VPS13B: variants seen among roughly 807,000 people sequenced by gnomAD.
VPS13B encodes vacuolar protein sorting 13 homolog B, also known as intermembrane lipid transfer protein VPS13B.
Under a neutral mutation model 426.4 loss-of-function variants are expected in VPS13B, and 285 were observed. The observed-to-expected ratio is 0.67, with a 90% CI of 0.61 to 0.74. The LOEUF (loss-of-function observed/expected upper bound fraction) is 0.74, where lower values mean the gene tolerates loss of function less well. Ranked by LOEUF, VPS13B falls within the 30% of genes least tolerant of loss-of-function variation. The pLI, the probability that VPS13B is intolerant of heterozygous loss-of-function variation, is 0.00. For missense variants in VPS13B, 4,537 were observed against 4,782.6 expected, an observed-to-expected ratio of 0.95 and a Z score of 1.51; for synonymous variants, 1,676 against 1,676.4, an observed-to-expected ratio of 1.00 and a Z score of 0.01.
chr8:99,108,542 C>T lies in VPS13B; in HGVS notation c.581-2556C>T, dbSNP rs1847174898. ...CATTTATTGAAGAGACTGTTCTTTT[C>T]CTCAGTGTGTTTTCTTGGCCCCTAT... On this transcript the variant is annotated intron_variant, in intron 5 of 61. Coordinates refer to ENST00000357162, the MANE Select transcript of VPS13B (RefSeq NM_152564.5). Among the ~76,000 whole-genome samples, 3 of 152,062 alleles carry T rather than the reference C, an allele frequency of 2.0e-5. No homozygotes were observed. The South Asian group carries it at 6.2e-4, about 32-fold the overall frequency.
At chr8:99,736,695 C>A (rs1211786695) in intron 39 of VPS13B, among the ~76,000 whole-genome samples, 1 of 152,084 alleles carries the variant, frequency 6.6e-6, no homozygotes, top group Non-Finnish European at 1.5e-5. Context: ...AGCCCACAAA[C>A]CTTGACACAA....
chr8:99,728,688 C>G (rs1468477302), intron 39 of VPS13B, among the ~76,000 whole-genome samples: 1 of 152,218 alleles, frequency 6.6e-6, no homozygotes, highest in Non-Finnish European at 1.5e-5. Context: ...GAGACACTAT[C>G]TTCCCCACAG....
intron 39 of VPS13B, among the ~76,000 whole-genome samples, chr8:99,746,591 CATA>C (rs1390247359): frequency 6.6e-6 from 1 of 152,172 alleles, no homozygotes; most frequent in Non-Finnish European, 1.5e-5. Context: ...TTCCATACAT[CATA>C]GTAGTTTAAT....
At chr8:99,141,910 G>A (rs546238932) in intron 12 of VPS13B, among the ~76,000 whole-genome samples, 12 of 150,806 alleles carry the variant, frequency 8.0e-5, no homozygotes, top group South Asian at 2.1e-4. Flanking sequence ...AAAATTAGCC[G>A]GGCGTGGTGG....
In VPS13B at chr8:99,313,534, G is replaced by A. The variant is rs889103393; in HGVS notation, c.2824+38280G>A. Among the ~76,000 whole-genome samples the A allele has an allele frequency of 2.0e-5, 3 of 152,140 alleles. No homozygotes were observed. The South Asian group carries it at 6.2e-4, about 31-fold the overall frequency. Reference sequence around the variant, plus strand: ...GCCTGATCGTTCCTCTGGAAGCTTCGTCTCAGAGGGGTAGCCGGCCCTGTG... The same window carrying A: ...GCCTGATCGTTCCTCTGGAAGCTTCATCTCAGAGGGGTAGCCGGCCCTGTG... On this transcript the variant is annotated intron_variant, in intron 19 of 61. Transcript: ENST00000357162.
chr8:99,564,578 A>C (rs566239902), intron 31 of VPS13B, among the ~76,000 whole-genome samples: 26 of 152,314 alleles, frequency 1.7e-4, no homozygotes, highest in African/African-American at 6.3e-4. Context: ...AAAAGTGAGA[A>C]CAAGCCAGAA....
At chr8:99,209,589 T>C (rs1563604610) in intron 17 of VPS13B, 1 of 273,600 alleles carries the variant, frequency 3.7e-6, no homozygotes, top group South Asian at 4.2e-5. Flanking sequence ...TTTTACTTTG[T>C]AGAGATTGGG....
At chr8:99,286,285 T>C (rs1223887510) in intron 19 of VPS13B, among the ~76,000 whole-genome samples, 1 of 152,310 alleles carries the variant, frequency 6.6e-6, no homozygotes, top group Admixed American at 6.5e-5. Flanking sequence ...AATTGCTCTA[T>C]GGGGAAAAAT....
chr8:99,065,521 A>G (rs1370155483), intron 3 of VPS13B, among the ~76,000 whole-genome samples: 2 of 152,006 alleles, frequency 1.3e-5, no homozygotes, highest in East Asian at 1.9e-4. Context: ...CTCAAGAGCT[A>G]TTTATGACAA....
At chr8:99,384,085 C>T in intron 19 of VPS13B, 123 bp from the exon 20 acceptor site, 1 of 846,272 alleles carries the variant, frequency 1.2e-6, no homozygotes, top group Admixed American at 1.9e-5. Context: ...TCCTCCACAT[C>T]CTTTCCAACG....
At chr8:99,662,665 C>T (rs1830284538) in intron 35 of VPS13B, among the ~76,000 whole-genome samples, 1 of 151,994 alleles carries the variant, frequency 6.6e-6, no homozygotes, top group African/African-American at 2.4e-5. Context: ...CCAGGCTGGT[C>T]CTGAACTCCT....
At chr8:99,870,322 CTATT>C (rs888064966) in intron 59 of VPS13B, among the ~76,000 whole-genome samples, 1 of 152,062 alleles carries the variant, frequency 6.6e-6, no homozygotes, top group Non-Finnish European at 1.5e-5. Flanking sequence ...GCATGCACCA[CTATT>C]TATTTTTTGT....
intron 23 of VPS13B, among the ~76,000 whole-genome samples, chr8:99,456,997 C>T (rs1256269840): frequency 1.3e-5 from 2 of 149,434 alleles, no homozygotes; most frequent in African/African-American, 4.9e-5. Context: ...GATTTTCTTC[C>T]TTCTTTAGTC....
At chr8:99,550,411 T>C (rs1220422842) in intron 30 of VPS13B, among the ~76,000 whole-genome samples, 1 of 151,954 alleles carries the variant, frequency 6.6e-6, no homozygotes, top group African/African-American at 2.4e-5. Context: ...TTTTTTTTTT[T>C]TCACAGTAAG....
intron 58 of VPS13B, 84 bp from the exon 59 acceptor site, chr8:99,868,205 A>C: frequency 6.4e-7 from 1 of 1,570,056 alleles, no homozygotes; most frequent in Non-Finnish European, 8.7e-7. Context: ...TTTTCAATCC[A>C]GATAAAACTG....
At chr8:99,330,521 A>G (rs1033352111) in intron 19 of VPS13B, among the ~76,000 whole-genome samples, 7 of 151,798 alleles carry the variant, frequency 4.6e-5, no homozygotes, top group African/African-American at 9.7e-5. Context: ...TCCTTCTGTT[A>G]TCTTCCTGTC....
At chr8:99,304,748 C>T (rs185555889) in intron 19 of VPS13B, among the ~76,000 whole-genome samples, 245 of 152,204 alleles carry the variant, frequency 1.6e-3, no homozygotes, top group African/African-American at 5.4e-3. Flanking sequence ...TCATCCTAAA[C>T]GTTTCTGTTC....
At chr8:99,239,720 G>A (rs1245704003) in intron 17 of VPS13B, among the ~76,000 whole-genome samples, 1 of 152,070 alleles carries the variant, frequency 6.6e-6, no homozygotes, top group Non-Finnish European at 1.5e-5. Flanking sequence ...AGGCTACTAG[G>A]AAGCTTTAAG....
At chr8:99,736,987 A>G (rs1480830769) in intron 39 of VPS13B, among the ~76,000 whole-genome samples, 1 of 151,978 alleles carries the variant, frequency 6.6e-6, no homozygotes, top group African/African-American at 2.4e-5. Flanking sequence ...TCTATCAGGC[A>G]TTCTGATTAT....
Sources: allele counts gnomAD v4.1 joint callset (sites outside exome capture counted in the v4.1 genomes callset), GRCh38; gene constraint gnomAD v4.1.1; transcripts MANE v1.5; gene names NCBI Gene and HGNC (gene_info 2026-07-23, HGNC 2026-07-21).